Variants in PYGB observed in about 807,000 individuals in gnomAD.
PYGB encodes glycogen phosphorylase, brain form.
A neutral mutation model predicts 94.3 loss-of-function variants in PYGB; 82 were observed. The observed-to-expected ratio is 0.87, with a 90% CI of 0.73 to 1.04. PYGB has a LOEUF of 1.04. PYGB is among the 50% of genes least tolerant of loss of function. The pLI is 0.00. For missense variants in PYGB, 1,132 were observed against 1,158.2 expected, an observed-to-expected ratio of 0.98 and a Z score of 0.33; for synonymous variants, 488 against 479.1, an observed-to-expected ratio of 1.02 and a Z score of -0.24.
At chr20:25,284,003 C>T (rs948124817) in intron 13 of PYGB, 101 bp from the exon 14 acceptor site, 2 of 1,428,594 alleles carry the variant, frequency 1.4e-6, no homozygotes, top group South Asian at 2.6e-5. Context: ...CTGCCCCCTC[C>T]CTGCGGCACT....
At chr20:25,282,186 G>T (rs2088374438) in intron 12 of PYGB, 39 bp downstream of exon 12, 2 of 1,524,712 alleles carry the variant, frequency 1.3e-6, no homozygotes. Context: ...GGAGATGCCT[G>T]GGCTGAGAAC....
chr20:25,268,186 G>A (rs902529928), intron 2 of PYGB, among the ~76,000 whole-genome samples: 2 of 95,440 alleles, frequency 2.1e-5, no homozygotes, highest in Non-Finnish European at 3.8e-5. Context: ...CCAAAATATT[G>A]TTGGTGGAAT....
At chr20:25,283,364 G>A (rs2088387066) in intron 13 of PYGB, 87 bp downstream of exon 13, 1 of 1,205,580 alleles carries the variant, frequency 8.3e-7, no homozygotes. Flanking sequence ...TACAGGCCCA[G>A]CACAGGTCCT....
At chr20:25,256,156 TG>T (rs1434070265) in intron 1 of PYGB, among the ~76,000 whole-genome samples, 1 of 152,118 alleles carries the variant, frequency 6.6e-6, no homozygotes, top group Non-Finnish European at 1.5e-5. Flanking sequence ...GAGAAAAAAT[TG>T]GTGGTCTCCA....
intron 15 of PYGB, 61 bp from the exon 16 acceptor site, chr20:25,290,420 G>A (rs1239396334): frequency 1.3e-6 from 2 of 1,573,938 alleles, no homozygotes; most frequent in Non-Finnish European, 8.7e-7. Context: ...GGAACCAGGA[G>A]CGCCTCCAAG....
chr20:25,290,509 T>G lies in PYGB; in HGVS notation c.1856T>G (p.Leu619Arg), dbSNP rs1172510955. The change falls in exon 16 of 20, where the codon CTG (leucine) becomes CGG (arginine). Residue 619 changes from leucine (L) to arginine (R), a missense_variant. Physicochemically the swap from Leu to Arg is moderately radical, Grantham distance 102 (BLOSUM62 -2). Coordinates refer to ENST00000216962, the MANE Select transcript of PYGB (RefSeq NM_002862.4). Reference sequence around the variant, plus strand: ...GCGCCCGGTTACCACATGGCCAAGCTGATCATCAAGTTGGTCACCTCCATC... The same window carrying G: ...GCGCCCGGTTACCACATGGCCAAGCGGATCATCAAGTTGGTCACCTCCATC... ...KAAPGYHMAK[L>R]IIKLVTSIGD... 6.2e-7 allele frequency: 1 copy of G among 1,610,546 alleles called. No individual in the cohort carries two copies. The highest frequency in any genetic ancestry group is 1.1e-5 in the South Asian group (1 of 91,018).
chr20:25,260,883 AG>A (rs1279717319), intron 2 of PYGB, among the ~76,000 whole-genome samples: 1 of 152,240 alleles, frequency 6.6e-6, no homozygotes, highest in Admixed American at 6.5e-5. Flanking sequence ...ACTCATTGCT[AG>A]CACAACAGTA....
intron 15 of PYGB, 68 bp downstream of exon 15, chr20:25,288,551 C>CCATGAGAAGCGTGCA: frequency 6.5e-7 from 1 of 1,541,632 alleles, no homozygotes; most frequent in Non-Finnish European, 8.9e-7. Context: ...GCAGCCTGCA[C>CCATGAGAAGCGTGCA]GCTTCTCATG....
chr20:25,253,425 G>A (rs1380994384), intron 1 of PYGB, among the ~76,000 whole-genome samples: 1 of 152,146 alleles, frequency 6.6e-6, no homozygotes, highest in African/African-American at 2.4e-5. Context: ...GCTGAGGCAG[G>A]TGGATCACCT....
intron 1 of PYGB, among the ~76,000 whole-genome samples, chr20:25,256,789 T>TC (rs1230098002): frequency 6.6e-6 from 1 of 152,218 alleles, no homozygotes; most frequent in Non-Finnish European, 1.5e-5. Context: ...AAAGAGGCTG[T>TC]CCTGCAGCAG....
In PYGB at chr20:25,265,947, C is replaced by T. The variant is rs187787606; in HGVS notation, c.346-3182C>T. 1.6e-3 allele frequency among the ~76,000 whole-genome samples: 244 copies of T among 152,074 alleles called. 1 individual carries two copies. The highest frequency in any genetic ancestry group is 5.6e-3 in the African/African-American group (232 of 41,486). On this transcript the variant is annotated intron_variant, in intron 2 of 19. Coordinates refer to ENST00000216962, the MANE Select transcript of PYGB (RefSeq NM_002862.4). ...CTCTATTTGTCCTAGATATTAATAGCGTATCAGATATGTGATTTGTGGATA... is the reference window on the plus strand; with the variant it reads ...CTCTATTTGTCCTAGATATTAATAGTGTATCAGATATGTGATTTGTGGATA...
chr20:25,264,873 C>T lies in PYGB; in HGVS notation c.346-4256C>T, dbSNP rs368837837. Reference sequence around the variant, plus strand: ...TGCCCAAGGTAATTTATAGATTCAACGCCATCCCCATCAAGCTACCAATGA... The same window carrying T: ...TGCCCAAGGTAATTTATAGATTCAATGCCATCCCCATCAAGCTACCAATGA... On this transcript the variant is annotated intron_variant, in intron 2 of 19. Transcript: ENST00000216962. Among the ~76,000 whole-genome samples, 24 of 152,246 alleles carry T rather than the reference C, an allele frequency of 1.6e-4. No homozygotes were observed. The East Asian group carries it at 3.1e-3, about 20-fold the overall frequency.
chr20:25,294,995 C>A, intron 18 of PYGB: 1 of 1,614,210 alleles, frequency 6.2e-7, no homozygotes, highest in Non-Finnish European at 8.5e-7. Flanking sequence ...TGACCACATG[C>A]TGGGATCTGG....
At position 25,276,195 on chromosome 20, in the gene PYGB, C is replaced by T. The variant is rs561772676; in HGVS notation, c.661-451C>T. On this transcript the variant is annotated intron_variant, in intron 5 of 19. Transcript: ENST00000216962. ...AAGGCAGCTGCAGGAGCAACCTTCC[C>T]GCAGGTGGAGCTGAGAGAGGTGATC... Among the ~76,000 whole-genome samples the T allele has an allele frequency of 2.8e-3, 431 of 152,146 alleles. 2 individuals carry two copies. The highest frequency in any genetic ancestry group is 9.9e-3 in the African/African-American group (411 of 41,496).
intron 1 of PYGB, among the ~76,000 whole-genome samples, chr20:25,258,630 G>A (rs113996636): frequency 0.013 from 1,953 of 152,312 alleles, 34 homozygotes; most frequent in African/African-American, 0.042. Flanking sequence ...ATGGGTGGCC[G>A]TCCTTGATAC....
chr20:25,261,322 C>T (rs1407550539), intron 2 of PYGB, among the ~76,000 whole-genome samples: 1 of 152,226 alleles, frequency 6.6e-6, no homozygotes. Flanking sequence ...TGCTGTTCTG[C>T]AGTATTCACT....
chr20:25,287,108 C>T (rs967434267), intron 14 of PYGB, among the ~76,000 whole-genome samples: 1 of 152,190 alleles, frequency 6.6e-6, no homozygotes, highest in Admixed American at 6.5e-5. Flanking sequence ...AGGAACCTCC[C>T]GTGAAATCTG....
rs769027301 is a variant in PYGB, at chr20:25,259,226, T to A, written c.244-11T>A. ...GAATGAGAAATCTTATTCTTTCTTC[T>A]GCTTCCTCAGCGCATTTATTATCTT... is the stretch of plus-strand genomic sequence containing the variant. On this transcript the variant is annotated splice_polypyrimidine_tract_variant and intron_variant, in intron 1 of 19. Coordinates refer to ENST00000216962, the MANE Select transcript of PYGB (RefSeq NM_002862.4). The A allele has an allele frequency of 6.4e-7, 1 of 1,566,334 alleles. No homozygotes were observed. The highest frequency in any genetic ancestry group is 1.7e-5 in the Admixed American group (1 of 59,918).
intron 14 of PYGB, among the ~76,000 whole-genome samples, chr20:25,286,762 G>A (rs1232234429): frequency 6.6e-6 from 1 of 152,096 alleles, no homozygotes; most frequent in Non-Finnish European, 1.5e-5. Flanking sequence ...CTGTTCCCCG[G>A]GGGCTCCTTG....
Sources: allele counts gnomAD v4.1 joint callset (sites outside exome capture counted in the v4.1 genomes callset), GRCh38; gene constraint gnomAD v4.1.1; transcripts MANE v1.5; gene names NCBI Gene and HGNC (gene_info 2026-07-23, HGNC 2026-07-21).